The following STK32B variants were observed in gnomAD, a reference collection of about 807,000 sequenced individuals.
The protein encoded by STK32B is serine/threonine-protein kinase 32B.
A neutral mutation model predicts 52.6 loss-of-function variants in STK32B; 43 were observed. The ratio of observed to expected loss-of-function variants is 0.82; its 90% confidence interval spans 0.64 to 1.05. STK32B has a LOEUF of 1.05. STK32B is among the 50% of genes least tolerant of loss of function. The pLI, the probability that STK32B is intolerant of heterozygous loss-of-function variation, is 0.00. For synonymous variants in STK32B, 238 were observed against 204.3 expected, an observed-to-expected ratio of 1.17 and a Z score of -1.41; for missense variants, 621 against 534.6, an observed-to-expected ratio of 1.16 and a Z score of -1.59.
chr4:5,159,734 T>C (rs1332712633), intron 2 of STK32B, among the ~76,000 whole-genome samples: 2 of 138,722 alleles, frequency 1.4e-5, no homozygotes, highest in Non-Finnish European at 3.0e-5. Context: ...TATGAATATA[T>C]ATATGAATAT....
At chr4:5,494,308 G>C (rs1183366310) in intron 11 of STK32B, among the ~76,000 whole-genome samples, 1 of 152,126 alleles carries the variant, frequency 6.6e-6, no homozygotes, top group Non-Finnish European at 1.5e-5. Context: ...TCTTCTTGTT[G>C]AATTGATCCC....
At chr4:5,436,539 A>C in intron 6 of STK32B, 1 of 961,950 alleles carries the variant, frequency 1.0e-6, no homozygotes, top group Non-Finnish European at 1.2e-6. Context: ...TGAGAAGGAC[A>C]GATTGGAGGT....
intron 3 of STK32B, among the ~76,000 whole-genome samples, chr4:5,263,625 A>AT (rs1477269563): frequency 6.6e-6 from 1 of 152,188 alleles, no homozygotes; most frequent in African/African-American, 2.4e-5. Context: ...GGATGGCTTC[A>AT]TTCTTTTCTT....
intron 3 of STK32B, among the ~76,000 whole-genome samples, chr4:5,328,779 A>G (rs1052491202): frequency 5.3e-5 from 8 of 152,200 alleles, no homozygotes; most frequent in African/African-American, 1.9e-4. Flanking sequence ...CAAACCTTCA[A>G]TTTGTAAGAA....
intron 3 of STK32B, among the ~76,000 whole-genome samples, chr4:5,312,992 C>A (rs1309590085): frequency 1.3e-5 from 2 of 151,794 alleles, no homozygotes; most frequent in African/African-American, 4.8e-5. Flanking sequence ...TTGTATTATC[C>A]TGATAACAAA....
At chr4:5,319,487 A>G (rs1020790406) in intron 3 of STK32B, among the ~76,000 whole-genome samples, 3 of 152,164 alleles carry the variant, frequency 2.0e-5, no homozygotes, top group African/African-American at 7.2e-5. Context: ...GTGCAAGAAT[A>G]AAGTCCAAAC....
At chr4:5,358,732 A>G (rs1051000286) in intron 4 of STK32B, among the ~76,000 whole-genome samples, 2 of 149,126 alleles carry the variant, frequency 1.3e-5, no homozygotes, top group African/African-American at 5.0e-5. Flanking sequence ...CAGGCACACA[A>G]AGGCACACAG....
chr4:5,144,063 G>A (rs912178039), intron 2 of STK32B, among the ~76,000 whole-genome samples: 1 of 152,162 alleles, frequency 6.6e-6, no homozygotes, highest in Non-Finnish European at 1.5e-5. Context: ...ATAAGGAGTA[G>A]CTCATTCTTA....
the STK32B span, among the ~76,000 whole-genome samples, chr4:5,042,247 A>G: frequency 6.6e-6 from 1 of 152,246 alleles, no homozygotes; most frequent in South Asian, 2.1e-4. Context: ...CCACAGGAGA[A>G]GTTCTAAACC....
At chr4:5,121,975 C>T (rs1715047778) in intron 1 of STK32B, among the ~76,000 whole-genome samples, 1 of 152,228 alleles carries the variant, frequency 6.6e-6, no homozygotes, top group Non-Finnish European at 1.5e-5. Context: ...CAGAAGGGAT[C>T]AACCTCCATA....
chr4:5,268,538 G>T (rs1303061017), intron 3 of STK32B, among the ~76,000 whole-genome samples: 1 of 140,092 alleles, frequency 7.1e-6, no homozygotes, highest in African/African-American at 2.6e-5. Flanking sequence ...TGCTTGGTGT[G>T]GTGTGTGTGT....
rs1296927871 is a variant in STK32B, at chr4:5,460,776, C to T, written c.909+548C>T. Among the ~76,000 whole-genome samples, 1 of 152,160 alleles carries T rather than the reference C, an allele frequency of 6.6e-6. No homozygotes were observed. Among genetic ancestry groups the T allele is most frequent in the African/African-American group, 2.4e-5 (1 of 41,428 alleles). On this transcript the variant is annotated intron_variant, in intron 9 of 11. Coordinates refer to ENST00000282908, the MANE Select transcript of STK32B (RefSeq NM_018401.3). The surrounding 1 kb of genome is among the most constrained non-coding windows in gnomAD (Gnocchi z 4.8). ...TCACACTCTTGAAGGCAGCAGAAAG[C>T]CTGGGTTTCAAAGAACAATTTTATA...
At chr4:5,135,734 C>T (rs1327923540) in intron 1 of STK32B, among the ~76,000 whole-genome samples, 1 of 152,158 alleles carries the variant, frequency 6.6e-6, no homozygotes, top group Non-Finnish European at 1.5e-5. Flanking sequence ...ATCACGTCCA[C>T]ATTGAAGGCA....
intron 11 of STK32B, among the ~76,000 whole-genome samples, chr4:5,476,496 C>T (rs112347974): frequency 0.018 from 2,802 of 152,184 alleles, 79 homozygotes; most frequent in African/African-American, 0.063. Context: ...CAACTAGTAA[C>T]TTCTCTTATG....
chr4:5,101,225 C>A (rs1450929778), intron 1 of STK32B, among the ~76,000 whole-genome samples: 1 of 152,088 alleles, frequency 6.6e-6, no homozygotes, highest in Non-Finnish European at 1.5e-5. Flanking sequence ...TTTTTTCAGC[C>A]CTCAGAGATG....
At chr4:5,347,291 A>G (rs962706507) in intron 4 of STK32B, among the ~76,000 whole-genome samples, 1 of 152,244 alleles carries the variant, frequency 6.6e-6, no homozygotes, top group Non-Finnish European at 1.5e-5. Flanking sequence ...GTTCAGGCAC[A>G]TCATCTAATC....
At chr4:5,183,837 C>G (rs770199910) in intron 3 of STK32B, among the ~76,000 whole-genome samples, 1 of 152,210 alleles carries the variant, frequency 6.6e-6, no homozygotes, top group Non-Finnish European at 1.5e-5. Context: ...GAACCAACCT[C>G]TGCTACCTTT....
At chr4:5,244,624 G>T (rs1450619327) in intron 3 of STK32B, among the ~76,000 whole-genome samples, 1 of 152,126 alleles carries the variant, frequency 6.6e-6, no homozygotes, top group Non-Finnish European at 1.5e-5. Context: ...GCTAGCTTTT[G>T]AATGTGTTTG....
chr4:5,389,644 A>G (rs1361093434), intron 4 of STK32B, among the ~76,000 whole-genome samples: 1 of 152,190 alleles, frequency 6.6e-6, no homozygotes, highest in Non-Finnish European at 1.5e-5. Context: ...GACACTGGGA[A>G]TAGGGACCTC....
Sources: gnomAD v4.1 joint callset for allele counts (sites outside exome capture counted in the v4.1 genomes callset) on GRCh38, gnomAD v4.1.1 for gene constraint, Gnocchi (gnomAD v3.1) non-coding constraint, MANE v1.5 for transcripts, NCBI Gene and HGNC (gene_info 2026-07-23, HGNC 2026-07-21) for gene names.